Variants in DDX50 observed in about 807,000 individuals in gnomAD.
DDX50 encodes ATP-dependent RNA helicase DDX50.
In DDX50, 56 loss-of-function variants were observed where a neutral mutation model predicts 94.8. The ratio of observed to expected loss-of-function variants is 0.59; its 90% CI spans 0.48 to 0.74. DDX50 has a LOEUF of 0.74. Among genes scored for constraint, DDX50 ranks in the 30% least tolerant of loss-of-function variants. The probability of loss-of-function intolerance (pLI) is 0.00; values close to 1 mark genes in which losing one functional copy is unlikely to be tolerated. For synonymous variants in DDX50, 264 were observed against 295.4 expected, an observed-to-expected ratio of 0.89 and a Z score of 1.09; for missense variants, 713 against 881.2, an observed-to-expected ratio of 0.81 and a Z score of 2.42.
Position 68,911,069 on chromosome 10 carries a change from TC to T in DDX50, c.463del (p.Arg155GlufsTer3). ...SEETIKLLKG[R>X]GVTYLFPIQV... is the part of the protein sequence containing the mutation. Reference sequence around the variant, plus strand: ...TTTTAATTAAATCTCATTTTACAGGTCGAGGGGTAACATATCTCTTTCCTAT... The same window carrying T: ...TTTTAATTAAATCTCATTTTACAGGTGAGGGGTAACATATCTCTTTCCTAT... On this transcript the variant is annotated frameshift_variant and splice_region_variant, in exon 4 of 15. Transcript: ENST00000373585. LOFTEE classifies it high-confidence loss of function. 1 of 1,531,720 alleles carries T rather than the reference TC, an allele frequency of 6.5e-7. No homozygotes were observed. The highest frequency in any genetic ancestry group is 8.7e-7 in the Non-Finnish European group (1 of 1,143,390). 94.9% of individuals were successfully genotyped at this position (1,531,720 alleles called of 1,614,324 possible).
chr10:68,913,962 A>AT (rs1841710557), intron 6 of DDX50, 97 bp from the exon 7 acceptor site: 19 of 1,220,968 alleles, frequency 1.6e-5, no homozygotes, highest in Non-Finnish European at 2.0e-5. Flanking sequence ...CAAGTTTTAC[A>AT]TTTTTCATTA....
At chr10:68,907,317 CTTT>C (rs59316500) in intron 2 of DDX50, among the ~76,000 whole-genome samples, 3 of 130,478 alleles carry the variant, frequency 2.3e-5, no homozygotes, top group Non-Finnish European at 1.6e-5. Context: ...TTTCTTTTTT[CTTT>C]TTTTTTTTTT....
chr10:68,917,984 G>A (rs910185587), intron 7 of DDX50, among the ~76,000 whole-genome samples: 1 of 151,934 alleles, frequency 6.6e-6, no homozygotes, highest in South Asian at 2.1e-4. Flanking sequence ...GAGTGCAGTG[G>A]CGCAGTCTCA....
Position 68,928,390 on chromosome 10 carries a change from G to T in DDX50, c.1240-5809G>T, listed in dbSNP as rs571906704. ...TTTTACCATTTTAAGATTTAGGTGG[G>T]CCAGGCACGATGGCTTACATCTGTA... On this transcript the variant is annotated intron_variant, in intron 8 of 14. Transcript: ENST00000373585. Among the ~76,000 whole-genome samples, 3 of 152,206 alleles carry T rather than the reference G, an allele frequency of 2.0e-5. No individual in the cohort carries two copies. The South Asian group carries it at 6.2e-4, about 32-fold the overall frequency.
intron 2 of DDX50, among the ~76,000 whole-genome samples, chr10:68,908,005 T>C (rs1459959196): frequency 6.6e-6 from 1 of 152,218 alleles, no homozygotes; most frequent in Non-Finnish European, 1.5e-5. Flanking sequence ...ACTCTTATCA[T>C]AGTAATATTG....
intron 14 of DDX50, 149 bp from the exon 15 acceptor site, chr10:68,946,203 T>G: frequency 1.1e-6 from 1 of 948,192 alleles, no homozygotes; most frequent in Admixed American, 3.5e-5. Flanking sequence ...TTTTTGCTTA[T>G]TTTCTGGTTT....
At chr10:68,938,012 T>G (rs1842467280) in intron 12 of DDX50, among the ~76,000 whole-genome samples, 1 of 152,368 alleles carries the variant, frequency 6.6e-6, no homozygotes, top group South Asian at 2.1e-4. Flanking sequence ...TAAGCTCATC[T>G]GTGAAAATTA....
At chr10:68,935,011 A>T in intron 10 of DDX50, 93 bp downstream of exon 10, 3 of 1,442,296 alleles carry the variant, frequency 2.1e-6, no homozygotes, top group Non-Finnish European at 2.8e-6. Context: ...AGGTCTTCAT[A>T]ACTTTTCTCA....
chr10:68,940,378 TAA>T (rs75318772), intron 12 of DDX50, among the ~76,000 whole-genome samples: 99 of 133,892 alleles, frequency 7.4e-4, no homozygotes, highest in Admixed American at 9.8e-4. Context: ...GACCCTGTCT[TAA>T]AAAAAAAAAA....
chr10:68,915,337 C>T (rs34040188), intron 7 of DDX50, among the ~76,000 whole-genome samples: 15,824 of 151,464 alleles, frequency 0.1, 1,062 homozygotes, highest in Admixed American at 0.17. Flanking sequence ...GGCGTGAATC[C>T]GGGAGGTGAA....
intron 8 of DDX50, among the ~76,000 whole-genome samples, chr10:68,923,149 G>GTA (rs1339868326): frequency 3.5e-5 from 5 of 141,070 alleles, no homozygotes; most frequent in African/African-American, 7.8e-5. Flanking sequence ...TTGTGTGTGT[G>GTA]TATATATACA....
chr10:68,929,290 TTC>T (rs1247422523), intron 8 of DDX50, among the ~76,000 whole-genome samples: 1,063 of 78,042 alleles, frequency 0.014, 13 homozygotes, highest in African/African-American at 0.041. Flanking sequence ...CCTTCCTTCC[TTC>T]CTCTCTCTCT....
In DDX50 at chr10:68,942,239, A is replaced by T. The variant is rs962388580; in HGVS notation, c.1891-974A>T. Reference sequence around the variant, plus strand: ...ATTAAATAAATACTTTAATACATTTATATAGCAAAATTAAAACTGTAATCT... The same window carrying T: ...ATTAAATAAATACTTTAATACATTTTTATAGCAAAATTAAAACTGTAATCT... On this transcript the variant is annotated intron_variant, in intron 13 of 14. Coordinates refer to ENST00000373585, the MANE Select transcript of DDX50 (RefSeq NM_024045.2). Among the ~76,000 whole-genome samples, 3 of 150,304 alleles carry T rather than the reference A, an allele frequency of 2.0e-5. No individual in the cohort carries two copies. In the Admixed American group the frequency reaches 2.0e-4, roughly 10 times the overall value.
intron 6 of DDX50, among the ~76,000 whole-genome samples, chr10:68,913,841 G>C (rs1216786616): frequency 6.6e-6 from 1 of 152,028 alleles, no homozygotes. Context: ...CATTGTTCCT[G>C]CTTAAATTCT....
At chr10:68,904,373 G>C (rs927125007) in intron 1 of DDX50, among the ~76,000 whole-genome samples, 1 of 152,132 alleles carries the variant, frequency 6.6e-6, no homozygotes, top group Non-Finnish European at 1.5e-5. Flanking sequence ...TGGTTCGGAC[G>C]TGTTGAGATA....
At chr10:68,923,417 A>C (rs1841995102) in intron 8 of DDX50, among the ~76,000 whole-genome samples, 1 of 151,338 alleles carries the variant, frequency 6.6e-6, no homozygotes, top group African/African-American at 2.4e-5. Context: ...TAAGTTGCCC[A>C]GGCTGCTCTC....
chr10:68,924,967 G>A (rs1842041452), intron 8 of DDX50, among the ~76,000 whole-genome samples: 1 of 152,074 alleles, frequency 6.6e-6, no homozygotes, highest in Non-Finnish European at 1.5e-5. Context: ...TTGAGAATAT[G>A]CCTTCCAGGT....
At chr10:68,937,584 G>GTTTTTT (rs11429851) in intron 12 of DDX50, among the ~76,000 whole-genome samples, 1 of 120,804 alleles carries the variant, frequency 8.3e-6, no homozygotes, top group Non-Finnish European at 1.7e-5. Context: ...AACTTTATAA[G>GTTTTTT]TTTTTTTTTT....
At chr10:68,929,492 C>T (rs1005597695) in intron 8 of DDX50, among the ~76,000 whole-genome samples, 19 of 150,212 alleles carry the variant, frequency 1.3e-4, no homozygotes, top group African/African-American at 4.4e-4. Context: ...ATGTTGTGAT[C>T]TTGGCTCACT....
Sources: allele counts gnomAD v4.1 joint callset (sites outside exome capture counted in the v4.1 genomes callset), GRCh38; gene constraint gnomAD v4.1.1; transcripts MANE v1.5; gene names NCBI Gene and HGNC (gene_info 2026-07-23, HGNC 2026-07-21).